Variants in GABRB1 observed in about 807,000 individuals in gnomAD.
GABRB1 encodes gamma-aminobutyric acid type A receptor subunit beta1.
GABRB1 carries 17 observed loss-of-function variants against 51.6 expected under a neutral mutation model. The ratio of observed to expected loss-of-function variants is 0.33; its 90% CI spans 0.23 to 0.49. The LOEUF (loss-of-function observed/expected upper bound fraction) is 0.49, where lower values mean the gene tolerates loss of function less well. Among genes scored for constraint, GABRB1 ranks in the 20% least tolerant of loss-of-function variants. The pLI, the probability that GABRB1 is intolerant of heterozygous loss-of-function variation, is 0.99. For synonymous variants in GABRB1, 247 were observed against 218.9 expected (o/e 1.13, Z -1.14); for missense variants, 410 against 600.6 (o/e 0.68, Z 3.32).
At chr4:47,291,258 T>C (rs987420440) in intron 4 of GABRB1, among the ~76,000 whole-genome samples, 4 of 152,084 alleles carry the variant, frequency 2.6e-5, no homozygotes, top group Non-Finnish European at 5.9e-5. Flanking sequence ...TTCCATGTGG[T>C]GTTGAGCCGG....
intron 5 of GABRB1, among the ~76,000 whole-genome samples, chr4:47,392,546 T>C (rs1728035874): frequency 6.6e-6 from 1 of 152,176 alleles, no homozygotes; most frequent in Admixed American, 6.5e-5. Flanking sequence ...TTTCACCATG[T>C]TGGCCAGGAT....
chr4:47,391,427 G>A (rs924510883), intron 5 of GABRB1, among the ~76,000 whole-genome samples: 20 of 152,224 alleles, frequency 1.3e-4, no homozygotes, highest in Admixed American at 1.0e-3. Flanking sequence ...CTTCAGAAGC[G>A]GGAGATAATG....
At chr4:47,190,828 A>T (rs1485179471) in intron 4 of GABRB1, among the ~76,000 whole-genome samples, 1 of 152,136 alleles carries the variant, frequency 6.6e-6, no homozygotes, top group Non-Finnish European at 1.5e-5. Flanking sequence ...ACAGTTGAGT[A>T]TTCAGGCTTT....
intron 5 of GABRB1, among the ~76,000 whole-genome samples, chr4:47,370,380 G>A (rs997970066): frequency 1.3e-5 from 2 of 151,886 alleles, no homozygotes; most frequent in African/African-American, 2.4e-5. Context: ...CCAGCTACTC[G>A]GGAGGCTGAA....
At chr4:47,388,207 G>T (rs1283657793) in intron 5 of GABRB1, among the ~76,000 whole-genome samples, 3 of 152,192 alleles carry the variant, frequency 2.0e-5, no homozygotes, top group Non-Finnish European at 2.9e-5. Context: ...TGTAAATTAT[G>T]TTTAACATGG....
At chr4:47,089,297 C>T (rs1728201895) in intron 3 of GABRB1, among the ~76,000 whole-genome samples, 2 of 152,086 alleles carry the variant, frequency 1.3e-5, no homozygotes, top group South Asian at 4.1e-4. Flanking sequence ...CCAGTAAATC[C>T]CCATAATCTG....
intron 4 of GABRB1, among the ~76,000 whole-genome samples, chr4:47,316,329 C>G (rs2109958672): frequency 6.6e-6 from 1 of 151,896 alleles, no homozygotes; most frequent in Non-Finnish European, 1.5e-5. Flanking sequence ...TTAGAACATG[C>G]AATATTAGTA....
chr4:47,305,200 A>G (rs1008475728), intron 4 of GABRB1, among the ~76,000 whole-genome samples: 1 of 152,108 alleles, frequency 6.6e-6, no homozygotes. Context: ...AAATTTAACA[A>G]TTGAGAGTTC....
At chr4:47,356,282 C>T (rs16860160) in intron 5 of GABRB1, among the ~76,000 whole-genome samples, 69,586 of 151,664 alleles carry the variant, frequency 0.46, 16,300 homozygotes, top group Non-Finnish European at 0.51. Flanking sequence ...TACCATAAAG[C>T]GTTGAGCAAA....
chr4:47,268,409 A>T (rs926115339), intron 4 of GABRB1, among the ~76,000 whole-genome samples: 1 of 152,318 alleles, frequency 6.6e-6, no homozygotes, highest in East Asian at 1.9e-4. Context: ...TCCTTCAGAA[A>T]GCCTAAGGAG....
intron 4 of GABRB1, among the ~76,000 whole-genome samples, chr4:47,271,192 TAAC>T (rs1309132261): frequency 6.6e-6 from 1 of 152,186 alleles, no homozygotes; most frequent in Non-Finnish European, 1.5e-5. Flanking sequence ...TACCCATTAT[TAAC>T]ATGTTTATAT....
chr4:47,409,500 C>A (rs565591118), intron 8 of GABRB1, among the ~76,000 whole-genome samples: 1 of 152,328 alleles, frequency 6.6e-6, no homozygotes, highest in South Asian at 2.1e-4. Context: ...TCCTTCTCTT[C>A]TCTCCTTCTC....
rs1728583725 is a variant in GABRB1 at position 47,406,673 on chromosome 4, C to G, written c.836-9C>G. 1.2e-6 allele frequency: 2 copies of G among 1,614,004 alleles called. No individual in the cohort carries two copies. Among genetic ancestry groups the G allele is most frequent in the Non-Finnish European group, 1.7e-6 (2 of 1,179,902 alleles). On this transcript the variant is annotated splice_polypyrimidine_tract_variant and intron_variant, in intron 7 of 8. Coordinates refer to ENST00000295454, the MANE Select transcript of GABRB1 (RefSeq NM_000812.4). ...ACCTTCAGCTAAGTGTTGTCTTTCT[C>G]TTTCACAGGAATCACGACAGTGCTT...
chr4:47,410,313 T>A (rs1046594727), intron 8 of GABRB1, among the ~76,000 whole-genome samples: 1 of 152,188 alleles, frequency 6.6e-6, no homozygotes, highest in African/African-American at 2.4e-5. Flanking sequence ...AATCCTCCTA[T>A]TGATAGAAAT....
chr4:47,097,067 T>G (rs1315343864), intron 3 of GABRB1, among the ~76,000 whole-genome samples: 2 of 152,196 alleles, frequency 1.3e-5, no homozygotes, highest in South Asian at 4.1e-4. Context: ...AGTCTCAAAA[T>G]AGCATCCAGA....
At position 47,168,925 on chromosome 4, in the gene GABRB1, A is replaced by G. The variant is rs564210067; in HGVS notation, c.461+7456A>G. Among the ~76,000 whole-genome samples, 46 of 152,214 alleles carry G rather than the reference A, an allele frequency of 3.0e-4. 1 individual carries two copies. In the South Asian group the frequency reaches 9.2e-3, roughly 30 times the overall value. On this transcript the variant is annotated intron_variant, in intron 4 of 8. Transcript: ENST00000295454. Reference sequence around the variant, plus strand: ...ATAGCCATCTTCCCCCTGTGTCTCCACATAATCTTCCCTCTATGTGTATTT... The same window carrying G: ...ATAGCCATCTTCCCCCTGTGTCTCCGCATAATCTTCCCTCTATGTGTATTT...
At chr4:47,132,699 T>C (rs1027364789) in intron 3 of GABRB1, among the ~76,000 whole-genome samples, 3 of 152,068 alleles carry the variant, frequency 2.0e-5, no homozygotes, top group Admixed American at 6.6e-5. Context: ...CGAAGGAAAA[T>C]AGATGGGTAT....
At chr4:47,171,836 A>G (rs2109755822) in intron 4 of GABRB1, among the ~76,000 whole-genome samples, 1 of 152,204 alleles carries the variant, frequency 6.6e-6, no homozygotes, top group Non-Finnish European at 1.5e-5. Context: ...TTCCTTATAA[A>G]CTTTTTGAGC....
intron 5 of GABRB1, among the ~76,000 whole-genome samples, chr4:47,326,265 G>T (rs577146737): frequency 6.6e-6 from 1 of 152,220 alleles, no homozygotes; most frequent in South Asian, 2.1e-4. Flanking sequence ...TATATCTTCA[G>T]AAGATCAATA....
Sources: allele counts gnomAD v4.1 joint callset (sites outside exome capture counted in the v4.1 genomes callset), GRCh38; gene constraint gnomAD v4.1.1; transcripts MANE v1.5; gene names NCBI Gene and HGNC (gene_info 2026-07-23, HGNC 2026-07-21).